Variants in NPHP1 observed in about 807,000 individuals in gnomAD.
The protein encoded by NPHP1 is nephrocystin 1.
A neutral mutation model predicts 90.4 loss-of-function variants in NPHP1; 70 were observed. The observed-to-expected ratio is 0.77, with a 90% CI of 0.64 to 0.95. The LOEUF (loss-of-function observed/expected upper bound fraction) is 0.95. Among genes scored for constraint, NPHP1 ranks in the 40% least tolerant of loss-of-function variants. The probability of loss-of-function intolerance (pLI) is 0.00; values close to 1 mark genes in which losing one functional copy is unlikely to be tolerated. For synonymous variants in NPHP1, 256 were observed against 271.7 expected, an observed-to-expected ratio of 0.94 and a Z score of 0.57; for missense variants, 764 against 795.9, an observed-to-expected ratio of 0.96 and a Z score of 0.48.
At chr2:110,184,179 C>T in intron 2 of NPHP1, 1 of 562,202 alleles carries the variant, frequency 1.8e-6, no homozygotes, top group Non-Finnish European at 3.5e-6. Context: ...TGTGGGCCTA[C>T]CCATGCATAT....
chr2:110,156,402 C>T (rs995057999), intron 11 of NPHP1, among the ~76,000 whole-genome samples: 4 of 152,062 alleles, frequency 2.6e-5, no homozygotes, highest in African/African-American at 7.2e-5. Flanking sequence ...CTCAGCCATG[C>T]GGAACTGTAA....
rs556205242 is a variant in NPHP1 at position 110,192,883 on chromosome 2, C to T, written c.143+8538G>A. Among the ~76,000 whole-genome samples, 54 of 152,122 alleles carry T rather than the reference C, an allele frequency of 3.5e-4. 2 individuals carry two copies. Among genetic ancestry groups the T allele is most frequent in the South Asian group, 1.5e-3 (7 of 4,826 alleles). ...TCTTAAAGAAAAGAATTTTCAACCC[C>T]GAATTTCATATCCAGCCAAACTAAG... On this transcript the variant is annotated intron_variant, in intron 2 of 19. Transcript: ENST00000445609.
intron 16 of NPHP1, among the ~76,000 whole-genome samples, chr2:110,139,472 AAAG>A (rs1680467936): frequency 6.6e-6 from 1 of 152,170 alleles, no homozygotes. Flanking sequence ...CTACTCCACA[AAAG>A]AAGACTGCCA....
intron 2 of NPHP1, chr2:110,184,962 C>A: frequency 3.1e-6 from 2 of 652,992 alleles, no homozygotes; most frequent in South Asian, 2.7e-5. Flanking sequence ...ACACTTTTCT[C>A]CAACATCGTC....
At chr2:110,204,844 C>T (rs1685827340) in intron 1 of NPHP1, 56 bp downstream of exon 1, 1 of 1,574,640 alleles carries the variant, frequency 6.4e-7, no homozygotes, top group Admixed American at 1.7e-5. Context: ...GCGCAGTGCG[C>T]GCAGCTGCGT....
intron 2 of NPHP1, among the ~76,000 whole-genome samples, chr2:110,186,776 T>C (rs1684309412): frequency 6.6e-6 from 1 of 152,032 alleles, no homozygotes; most frequent in Admixed American, 6.6e-5. Context: ...CGCACAGCCT[T>C]GCACAAACCA....
chr2:110,189,257 G>A (rs574557392), intron 2 of NPHP1, among the ~76,000 whole-genome samples: 47 of 152,218 alleles, frequency 3.1e-4, no homozygotes, highest in African/African-American at 1.0e-3. Context: ...GTGGACCCTC[G>A]CAGTGAGTGT....
intron 16 of NPHP1, among the ~76,000 whole-genome samples, chr2:110,138,244 C>A (rs1447376677): frequency 2.0e-5 from 3 of 152,022 alleles, no homozygotes; most frequent in Non-Finnish European, 4.4e-5. Flanking sequence ...ATGGGTGCAG[C>A]ACACCAACAT....
chr2:110,204,889 C>T lies in NPHP1; in HGVS notation c.69+11G>A. 1 of 1,613,704 alleles carries T rather than the reference C, an allele frequency of 6.2e-7. No individual in the cohort carries two copies. ...GCCCGCCCCAGGGCCCTCTGCACAG[C>T]CTGACCATACCTGTTGCTTCAGCTC... On this transcript the variant is annotated intron_variant, in intron 1 of 19. Transcript: ENST00000445609.
intron 4 of NPHP1, among the ~76,000 whole-genome samples, chr2:110,177,072 C>A (rs1683557373): frequency 6.6e-6 from 1 of 152,178 alleles, no homozygotes; most frequent in South Asian, 2.1e-4. Context: ...CTACCTTCCT[C>A]CACCACAGCT....
intron 11 of NPHP1, among the ~76,000 whole-genome samples, chr2:110,157,014 C>T (rs1574111190): frequency 6.6e-6 from 1 of 151,980 alleles, no homozygotes; most frequent in East Asian, 1.9e-4. Context: ...TGACCATGTG[C>T]TCTGCCCGCC....
chr2:110,204,583 G>A (rs1287791583), intron 1 of NPHP1, among the ~76,000 whole-genome samples: 2 of 152,140 alleles, frequency 1.3e-5, no homozygotes, highest in African/African-American at 4.8e-5. Context: ...TGGGAGATAA[G>A]GTGGGTTAGT....
chr2:110,169,387 T>C (rs958483914), intron 5 of NPHP1, among the ~76,000 whole-genome samples: 2 of 152,102 alleles, frequency 1.3e-5, no homozygotes, highest in Non-Finnish European at 2.9e-5. Context: ...CTGTCCCACC[T>C]GCCACTTATT....
intron 13 of NPHP1, among the ~76,000 whole-genome samples, chr2:110,147,561 C>A (rs1487782890): frequency 2.6e-5 from 4 of 152,070 alleles, no homozygotes; most frequent in Admixed American, 6.6e-5. Flanking sequence ...TAATTAGAAA[C>A]CTCAGTTACA....
intron 16 of NPHP1, among the ~76,000 whole-genome samples, chr2:110,137,444 A>C (rs1367054692): frequency 9.2e-5 from 14 of 152,098 alleles, no homozygotes; most frequent in African/African-American, 2.9e-4. Flanking sequence ...GGGCTAATAT[A>C]CAGAATCTAC....
At chr2:110,165,191 T>A in intron 6 of NPHP1, 36 bp from the exon 7 acceptor site, 1 of 1,516,632 alleles carries the variant, frequency 6.6e-7, no homozygotes, top group Non-Finnish European at 9.2e-7. Context: ...GCTTTTTAAC[T>A]AATGCAAAAA....
At chr2:110,158,542 C>T (rs772049082) in intron 11 of NPHP1, among the ~76,000 whole-genome samples, 8 of 151,958 alleles carry the variant, frequency 5.3e-5, no homozygotes, top group Non-Finnish European at 7.4e-5. Context: ...TCTTGGTGAA[C>T]GATCTCTTTT....
intron 19 of NPHP1, chr2:110,125,381 T>G (rs1679278614): frequency 2.1e-6 from 3 of 1,457,580 alleles, no homozygotes; most frequent in African/African-American, 1.4e-5. Context: ...GACTTTGGCT[T>G]AGAAACTTCC....
intron 2 of NPHP1, among the ~76,000 whole-genome samples, chr2:110,199,619 C>T (rs959229389): frequency 2.6e-5 from 4 of 151,882 alleles, no homozygotes; most frequent in Non-Finnish European, 5.9e-5. Context: ...TGAGACCCCC[C>T]ACATCCCCCC....
Sources: allele counts gnomAD v4.1 joint callset (sites outside exome capture counted in the v4.1 genomes callset), GRCh38; gene constraint gnomAD v4.1.1; transcripts MANE v1.5; gene names NCBI Gene and HGNC (gene_info 2026-07-23, HGNC 2026-07-21).